The following SEPTIN9 variants were observed in gnomAD, a reference collection of about 807,000 sequenced individuals.
The protein encoded by SEPTIN9 is septin-9.
SEPTIN9 carries 13 observed loss-of-function variants against 56.6 expected under a neutral mutation model. The observed-to-expected ratio is 0.23, with a 90% CI of 0.15 to 0.37. SEPTIN9 has a LOEUF of 0.37. SEPTIN9 is among the 10% of genes least tolerant of loss of function. The pLI is 1.00. For synonymous variants in SEPTIN9, 332 were observed against 334.1 expected, an observed-to-expected ratio of 0.99 and a Z score of 0.07; for missense variants, 650 against 823.1, an observed-to-expected ratio of 0.79 and a Z score of 2.57.
intron 2 of SEPTIN9, among the ~76,000 whole-genome samples, chr17:77,365,146 G>A (rs962995024): frequency 6.6e-6 from 1 of 152,140 alleles, no homozygotes; most frequent in African/African-American, 2.4e-5. Flanking sequence ...CCCCCAGAAA[G>A]AGCCGCCACC....
At chr17:77,284,789 C>G (rs1304073863) in intron 1 of SEPTIN9, among the ~76,000 whole-genome samples, 5 of 152,070 alleles carry the variant, frequency 3.3e-5, no homozygotes, top group African/African-American at 4.8e-5. Context: ...GCCACTGCGC[C>G]CAGCTAATTT....
At chr17:77,432,610 G>GC (rs1188830106) in intron 3 of SEPTIN9, among the ~76,000 whole-genome samples, 2 of 152,244 alleles carry the variant, frequency 1.3e-5, no homozygotes, top group Non-Finnish European at 2.9e-5. Context: ...CGTTTTCTGA[G>GC]CTGTTAGAGG....
rs183026539 is a variant in SEPTIN9 at position 77,286,811 on chromosome 17, A to C, written c.19+5257A>C. On this transcript the variant is annotated intron_variant, in intron 1 of 11. Coordinates refer to ENST00000427177, the MANE Select transcript of SEPTIN9 (RefSeq NM_001113491.2). ...GGCCCGGCCAGGGGGTGATGATGGC[A>C]GTTCCTGGGCAGATCCAGCTGGCTT... 3.8e-3 allele frequency among the ~76,000 whole-genome samples: 573 copies of C among 152,326 alleles called. 4 individuals are homozygous for C. The highest frequency in any genetic ancestry group is 6.0e-3 in the Non-Finnish European group (407 of 68,016).
intron 2 of SEPTIN9, among the ~76,000 whole-genome samples, chr17:77,337,801 G>A (rs905782903): frequency 6.6e-6 from 1 of 152,060 alleles, no homozygotes; most frequent in African/African-American, 2.4e-5. Flanking sequence ...AAAGTTGTTC[G>A]TAATACAAGC....
At chr17:77,464,932 C>T (rs1437134559) in intron 3 of SEPTIN9, among the ~76,000 whole-genome samples, 2 of 152,170 alleles carry the variant, frequency 1.3e-5, no homozygotes, top group Admixed American at 6.5e-5. Flanking sequence ...CAGCCATCGC[C>T]ATTAATCCCA....
Position 77,326,306 on chromosome 17 carries a change from A to G in SEPTIN9, c.76+19109A>G, listed in dbSNP as rs368169689. ...CAGACACAGTCCTTGCCCTCATGGG[A>G]CTGCACAAGTGCAAGACCACATCAG... On this transcript the variant is annotated intron_variant, in intron 2 of 11. Coordinates refer to ENST00000427177, the MANE Select transcript of SEPTIN9 (RefSeq NM_001113491.2). This position sits in a 1 kb window ranked among gnomAD's most constrained non-coding sequence, Gnocchi z 5.1. Among the ~76,000 whole-genome samples, 1 of 152,220 alleles carries G rather than the reference A, an allele frequency of 6.6e-6. No individual in the cohort carries two copies. Among genetic ancestry groups the G allele is most frequent in the Non-Finnish European group, 1.5e-5 (1 of 68,046 alleles).
chr17:77,422,051 T>A (rs2036725320), intron 3 of SEPTIN9, among the ~76,000 whole-genome samples: 1 of 151,734 alleles, frequency 6.6e-6, no homozygotes, highest in African/African-American at 2.4e-5. Context: ...AGAAATGGAG[T>A]CTTACTATAT....
rs1028173105 is a variant in SEPTIN9, at chr17:77,421,920, G to C, written c.721+19217G>C. ...CTGGAGTTCAATGGCCCAATGTCCC[G>C]CTCACTGTGATCTCGACCTCCTAGG... On this transcript the variant is annotated intron_variant, in intron 3 of 11. Coordinates refer to ENST00000427177, the MANE Select transcript of SEPTIN9 (RefSeq NM_001113491.2). This position sits in a 1 kb window ranked among gnomAD's most constrained non-coding sequence, Gnocchi z 4.6. Among the ~76,000 whole-genome samples, 2 of 152,126 alleles carry C rather than the reference G, an allele frequency of 1.3e-5. No homozygotes were observed. The highest frequency in any genetic ancestry group is 2.9e-5 in the Non-Finnish European group (2 of 68,014).
At chr17:77,455,879 C>G (rs2038178508) in intron 3 of SEPTIN9, among the ~76,000 whole-genome samples, 1 of 152,174 alleles carries the variant, frequency 6.6e-6, no homozygotes, top group Non-Finnish European at 1.5e-5. Context: ...TCTCCATTCT[C>G]CCTGCACGCT....
rs891752496 is a variant in SEPTIN9, at chr17:77,440,449, C to T, written c.721+37746C>T. Among the ~76,000 whole-genome samples, 10 of 152,366 alleles carry T rather than the reference C, an allele frequency of 6.6e-5. No individual in the cohort carries two copies. In the South Asian group the frequency reaches 1.0e-3, roughly 16 times the overall value. On this transcript the variant is annotated intron_variant, in intron 3 of 11. Transcript: ENST00000427177. Reference sequence around the variant, plus strand: ...GGATTACAGGCGTGAGCCACTGCACCTGGCTTTCGTATATCTATAAAAGAG... The same window carrying T: ...GGATTACAGGCGTGAGCCACTGCACTTGGCTTTCGTATATCTATAAAAGAG...
intron 2 of SEPTIN9, chr17:77,373,882 C>T (rs890806073): frequency 3.3e-5 from 10 of 305,992 alleles, no homozygotes; most frequent in South Asian, 8.0e-5. Context: ...CGAGGGCTCG[C>T]GAGGCTGCCT....
intron 11 of SEPTIN9, among the ~76,000 whole-genome samples, chr17:77,497,796 G>A (rs983087357): frequency 9.2e-5 from 14 of 152,264 alleles, no homozygotes; most frequent in African/African-American, 3.4e-4. Context: ...AGGCAAGGAG[G>A]GGAAGCCCTG....
In SEPTIN9 at chr17:77,492,590, A is replaced by G. The variant is rs779367838; in HGVS notation, c.1381-31A>G. On this transcript the variant is annotated intron_variant, in intron 8 of 11. Coordinates refer to ENST00000427177, the MANE Select transcript of SEPTIN9 (RefSeq NM_001113491.2). This position sits in a 1 kb window ranked among gnomAD's most constrained non-coding sequence, Gnocchi z 5.4. ...TGGGTGGGTAGAGCTTGCCACAGGG[A>G]TGGGCCCATCTCTCTCCCTCCTTAT... The G allele has an allele frequency of 6.3e-7, 1 of 1,588,906 alleles. No homozygotes were observed. Among genetic ancestry groups the G allele is most frequent in the South Asian group, 1.1e-5 (1 of 90,648 alleles).
chr17:77,292,659 A>C (rs992486147), intron 1 of SEPTIN9, among the ~76,000 whole-genome samples: 6 of 151,856 alleles, frequency 4.0e-5, no homozygotes, highest in African/African-American at 1.5e-4. Flanking sequence ...ATGCCTGGCC[A>C]ATTTTGGTAT....
chr17:77,391,620 T>C (rs570453387), intron 2 of SEPTIN9, among the ~76,000 whole-genome samples: 66 of 152,346 alleles, frequency 4.3e-4, no homozygotes, highest in African/African-American at 1.5e-3. Flanking sequence ...AGTTAGGACT[T>C]AAGACATATC....
intron 2 of SEPTIN9, among the ~76,000 whole-genome samples, chr17:77,356,263 C>T (rs552404988): frequency 7.6e-4 from 116 of 152,258 alleles, no homozygotes; most frequent in African/African-American, 2.5e-3. Flanking sequence ...CTCTGGGCAC[C>T]GTGCACCTGG....
chr17:77,310,312 C>T lies in SEPTIN9; in HGVS notation c.76+3115C>T, dbSNP rs1370165880. Among the ~76,000 whole-genome samples the T allele has an allele frequency of 6.6e-6, 1 of 152,102 alleles. No homozygotes were observed. Among genetic ancestry groups the T allele is most frequent in the Non-Finnish European group, 1.5e-5 (1 of 68,028 alleles). On this transcript the variant is annotated intron_variant, in intron 2 of 11. Transcript: ENST00000427177. The surrounding 1 kb of genome is among the most constrained non-coding windows in gnomAD (Gnocchi z 4.7). ...TCCTCTTGCATACGGTCATCAGCATCGTGTGACTGAGCAGCCTAGGTCTGT... is the reference window on the plus strand; with the variant it reads ...TCCTCTTGCATACGGTCATCAGCATTGTGTGACTGAGCAGCCTAGGTCTGT...
intron 11 of SEPTIN9, chr17:77,497,648 G>A (rs1598481901): frequency 3.7e-6 from 2 of 535,794 alleles, no homozygotes; most frequent in East Asian, 6.4e-5. Flanking sequence ...AGAGCTGCCC[G>A]GTGGCCACTA....
Position 77,367,654 on chromosome 17 carries a change from A to G in SEPTIN9, c.77-34405A>G, listed in dbSNP as rs552213156. Among the ~76,000 whole-genome samples, 125 of 152,020 alleles carry G rather than the reference A, an allele frequency of 8.2e-4. No homozygotes were observed. The highest frequency in any genetic ancestry group is 2.9e-3 in the African/African-American group (121 of 41,450). On this transcript the variant is annotated intron_variant, in intron 2 of 11. Coordinates refer to ENST00000427177, the MANE Select transcript of SEPTIN9 (RefSeq NM_001113491.2). The surrounding 1 kb of genome is among the most constrained non-coding windows in gnomAD (Gnocchi z 4.5). ...AACACGGTGAAACCCCATCTCTACT[A>G]AAAAAACAAAAATTAGCCGGGCATG...
Sources: allele counts gnomAD v4.1 joint callset (sites outside exome capture counted in the v4.1 genomes callset), GRCh38; gene constraint gnomAD v4.1.1; non-coding constraint Gnocchi (gnomAD v3.1); transcripts MANE v1.5; gene names NCBI Gene and HGNC (gene_info 2026-07-23, HGNC 2026-07-21).